The following SCYL2 variants were observed in gnomAD, a reference collection of about 807,000 sequenced individuals.
SCYL2 encodes the protein SCY1-like protein 2.
SCYL2 carries 36 observed loss-of-function variants against 100.4 expected under a neutral mutation model. The observed-to-expected ratio is 0.36, with a 90% CI of 0.27 to 0.47. The LOEUF (loss-of-function observed/expected upper bound fraction) is 0.47, where lower values mean the gene tolerates loss of function less well. Among genes scored for constraint, SCYL2 ranks in the 20% least tolerant of loss-of-function variants. The pLI, the probability that SCYL2 is intolerant of heterozygous loss-of-function variation, is 1.00. For synonymous variants in SCYL2, 330 were observed against 359.2 expected (o/e 0.92, Z 0.92); for missense variants, 902 against 1,083.9 (o/e 0.83, Z 2.36).
At chr12:100,304,155 G>C (rs1039634770) in intron 4 of SCYL2, among the ~76,000 whole-genome samples, 4 of 152,190 alleles carry the variant, frequency 2.6e-5, no homozygotes, top group Admixed American at 1.3e-4. Context: ...TGTGCTGGCA[G>C]CAAGAATTTC....
intron 10 of SCYL2, chr12:100,319,352 C>T: frequency 2.2e-6 from 1 of 444,710 alleles, no homozygotes. Context: ...ACAAAACATT[C>T]CCACAGGCTC....
At chr12:100,283,378 A>G (rs2096300985) in intron 2 of SCYL2, among the ~76,000 whole-genome samples, 1 of 152,242 alleles carries the variant, frequency 6.6e-6, no homozygotes, top group Admixed American at 6.5e-5. Flanking sequence ...TCATCTTGAA[A>G]TATAATTTTG....
chr12:100,320,256 C>T (rs2096354089), intron 10 of SCYL2, among the ~76,000 whole-genome samples: 1 of 152,116 alleles, frequency 6.6e-6, no homozygotes, highest in Non-Finnish European at 1.5e-5. Context: ...TTAAGTTCCT[C>T]ATCCCGGGCT....
At chr12:100,295,746 G>A (rs1277047278) in intron 3 of SCYL2, among the ~76,000 whole-genome samples, 3 of 151,228 alleles carry the variant, frequency 2.0e-5, no homozygotes, top group Non-Finnish European at 4.4e-5. Flanking sequence ...AGACCATGGG[G>A]AGACGGGGGA....
At chr12:100,294,743 GGGGC>G (rs2096316433) in intron 3 of SCYL2, among the ~76,000 whole-genome samples, 1 of 140,280 alleles carries the variant, frequency 7.1e-6, no homozygotes, top group African/African-American at 2.7e-5. Flanking sequence ...GGCCGGGTGG[GGGGC>G]TGACCCCCCC....
chr12:100,331,077 C>T (rs555634396), intron 13 of SCYL2, among the ~76,000 whole-genome samples: 10 of 152,086 alleles, frequency 6.6e-5, no homozygotes, highest in South Asian at 4.1e-4. Flanking sequence ...CTGCTTGCCT[C>T]GGCCTCCCAA....
rs186862560 is a variant in SCYL2, at chr12:100,274,483, C to T, written c.-29+6691C>T. On this transcript the variant is annotated intron_variant, in intron 1 of 17. Transcript: ENST00000360820. Reference sequence around the variant, plus strand: ...AACTGTAGTTCTGTGGTAGATAAGGCGTGGGTTCTTGTTGTTATTAACATC... The same window carrying T: ...AACTGTAGTTCTGTGGTAGATAAGGTGTGGGTTCTTGTTGTTATTAACATC... Among the ~76,000 whole-genome samples the T allele has an allele frequency of 5.3e-4, 80 of 152,230 alleles. 1 individual carries two copies. Among genetic ancestry groups the T allele is most frequent in the African/African-American group, 1.9e-3 (78 of 41,526 alleles).
chr12:100,339,417 C>T lies in SCYL2; in HGVS notation c.*245C>T, dbSNP rs1952325384. Reference sequence around the variant, plus strand: ...TCAGGTTTTTAAAGACCCAGCCCTTCCCAATCTCAAAGAGAAAAAGGAAAC... The same window carrying T: ...TCAGGTTTTTAAAGACCCAGCCCTTTCCAATCTCAAAGAGAAAAAGGAAAC... On this transcript the variant is annotated 3_prime_UTR_variant, in exon 18 of 18. Transcript: ENST00000360820. 2.3e-6 allele frequency: 1 copy of T among 431,132 alleles called. No individual in the cohort carries two copies. The allele number at this position is 431,132 out of a possible 1,614,324, so 26.7% of individuals were successfully genotyped here.
intron 3 of SCYL2, chr12:100,296,759 C>G (rs751932992): frequency 6.7e-6 from 1 of 149,244 alleles, no homozygotes; most frequent in Non-Finnish European, 1.5e-5. Context: ...TTTTTTTTAA[C>G]AGTACAGTTC....
intron 1 of SCYL2, among the ~76,000 whole-genome samples, chr12:100,271,063 G>A (rs533016952): frequency 6.6e-6 from 1 of 151,966 alleles, no homozygotes; most frequent in Admixed American, 6.6e-5. Context: ...TACTCAGCTG[G>A]TTTAATCTTT....
intron 13 of SCYL2, among the ~76,000 whole-genome samples, chr12:100,330,158 G>C (rs1191476908): frequency 6.6e-6 from 1 of 152,106 alleles, no homozygotes; most frequent in Non-Finnish European, 1.5e-5. Flanking sequence ...ATATATCACT[G>C]GGAAGGAATA....
At chr12:100,291,782 C>T in intron 3 of SCYL2, 122 bp downstream of exon 3, 2 of 866,120 alleles carry the variant, frequency 2.3e-6, no homozygotes, top group South Asian at 1.9e-5. Context: ...GTGTTGAGTT[C>T]TTATGCATTA....
Position 100,313,477 on chromosome 12 carries a change from A to T in SCYL2, c.908A>T (p.His303Leu), listed in dbSNP as rs1379404600. The change falls in exon 7 of 18, where the codon CAT (histidine) becomes CTT (leucine). Residue 303 changes from histidine to leucine, a missense_variant. Physicochemically the swap from His to Leu is moderately conservative, Grantham distance 99. Coordinates refer to ENST00000360820, the MANE Select transcript of SCYL2 (RefSeq NM_017988.6). ...LTNIPEEVRE[H>L]VKLLLNVTPT... is the part of the protein sequence containing the mutation. ...AATATACCTGAGGAAGTTCGTGAAC[A>T]TGTAAAGCTACTGTTAAATGTAACT... is the stretch of plus-strand genomic sequence containing the variant. 6 of 1,611,810 alleles carry T rather than the reference A, an allele frequency of 3.7e-6. No individual in the cohort carries two copies. In the East Asian group the frequency reaches 8.9e-5, roughly 24 times the overall value.
chr12:100,317,844 C>A lies in SCYL2; in HGVS notation c.1314C>A (p.Thr438=). The change falls in exon 10 of 18, where the codon ACC becomes ACA. Residue 438 remains threonine, a synonymous_variant. Coordinates refer to ENST00000360820, the MANE Select transcript of SCYL2 (RefSeq NM_017988.6). ...TACAAAAAATGGATTTGCTACTAAC[C>A]AAAACCCCTCCTGATGAGATAAAGA... ...IFLQKMDLLL[T]KTPPDEIKNS... The A allele has an allele frequency of 6.2e-7, 1 of 1,607,060 alleles. No homozygotes were observed. Among genetic ancestry groups the A allele is most frequent in the South Asian group, 1.1e-5 (1 of 89,002 alleles).
intron 10 of SCYL2, among the ~76,000 whole-genome samples, chr12:100,323,009 CAG>C (rs764871293): frequency 1.4e-4 from 20 of 138,148 alleles, no homozygotes; most frequent in Admixed American, 3.1e-4. Flanking sequence ...GCCTGGGTGA[CAG>C]AGCAAGGTCC....
intron 2 of SCYL2, among the ~76,000 whole-genome samples, chr12:100,285,984 A>C (rs2096304058): frequency 6.6e-6 from 1 of 152,142 alleles, no homozygotes; most frequent in Non-Finnish European, 1.5e-5. Flanking sequence ...TACCGTATAC[A>C]TACATACATA....
intron 3 of SCYL2, among the ~76,000 whole-genome samples, chr12:100,294,657 A>G (rs1333388905): frequency 1.7e-4 from 15 of 89,642 alleles, no homozygotes; most frequent in South Asian, 4.1e-4. Flanking sequence ...GGGCAGAGGC[A>G]CCCCTCACCT....
chr12:100,290,299 T>G (rs1166622201), intron 2 of SCYL2, among the ~76,000 whole-genome samples: 10 of 152,228 alleles, frequency 6.6e-5, no homozygotes, highest in Non-Finnish European at 1.5e-4. Flanking sequence ...TAGTAAATGC[T>G]GCCTTATTCA....
At chr12:100,316,266 A>C in intron 9 of SCYL2, among the ~76,000 whole-genome samples, 1 of 152,216 alleles carries the variant, frequency 6.6e-6, no homozygotes, top group Non-Finnish European at 1.5e-5. Flanking sequence ...TCTCTCATGT[A>C]TATAATATAT....
Sources: gnomAD v4.1 joint callset for allele counts (sites outside exome capture counted in the v4.1 genomes callset) on GRCh38, gnomAD v4.1.1 for gene constraint, MANE v1.5 for transcripts, NCBI Gene and HGNC (gene_info 2026-07-23, HGNC 2026-07-21) for gene names.